Variants in PSMA6 observed in about 807,000 individuals in gnomAD.
PSMA6 encodes proteasome 20S subunit alpha 6.
For synonymous variants in PSMA6, 88 were observed against 97.7 expected, an observed-to-expected ratio of 0.90 and a Z score of 0.59; for missense variants, 170 against 294.8, an observed-to-expected ratio of 0.58 and a Z score of 3.10.
chr14:35,313,071 A>G lies in PSMA6; in HGVS notation c.588+12A>G. On this transcript the variant is annotated intron_variant, in intron 5 of 6. Coordinates refer to ENST00000261479, the MANE Select transcript of PSMA6 (RefSeq NM_002791.3). ...AACAGACAGTGGAAGTAAGTCAACC[A>G]AAAGGAGCTGACTTTTTTTATGCTA... 3 of 1,557,598 alleles carry G rather than the reference A, an allele frequency of 1.9e-6. No individual in the cohort carries two copies. The highest frequency in any genetic ancestry group is 2.6e-6 in the Non-Finnish European group (3 of 1,162,838).
upstream of PSMA6, among the ~76,000 whole-genome samples, chr14:35,290,649 C>A (rs2051467460): frequency 1.3e-5 from 2 of 152,190 alleles, no homozygotes; most frequent in Admixed American, 1.3e-4. Context: ...ATCCCTACTT[C>A]AGTATTACAG....
chr14:35,287,328 A>G (rs1309110783), intron 1 of PSMA6, among the ~76,000 whole-genome samples: 1 of 152,074 alleles, frequency 6.6e-6, no homozygotes, highest in African/African-American at 2.4e-5. Flanking sequence ...TAACATCAGG[A>G]TACTCCTCTA....
intron 4 of PSMA6, among the ~76,000 whole-genome samples, chr14:35,312,409 A>G (rs2051960789): frequency 6.8e-6 from 1 of 147,796 alleles, no homozygotes; most frequent in African/African-American, 2.5e-5. Context: ...CGGGAGGCTG[A>G]GGCAGGAGAA....
intron 1 of PSMA6, among the ~76,000 whole-genome samples, chr14:35,285,754 A>C (rs2051415929): frequency 6.6e-6 from 1 of 152,366 alleles, no homozygotes. Context: ...AATAAAGTCT[A>C]AATAAAGTTC....
chr14:35,313,357 G>A lies in PSMA6; in HGVS notation c.588+298G>A, dbSNP rs557197957. 1.7e-4 allele frequency: 40 copies of A among 233,140 alleles called. No homozygotes were observed. In the South Asian group the frequency reaches 3.8e-3, roughly 22 times the overall value. 14.4% of individuals were successfully genotyped at this position (233,140 alleles called of 1,614,324 possible). A position where few individuals can be genotyped will look rare whatever the true frequency, so the allele number is the denominator to read the frequency against. ...CACACACCTGTAGTCCCAGCTACTT[G>A]AGAGGCTGAAGCTGGAGGACTGCTT... On this transcript the variant is annotated intron_variant, in intron 5 of 6. Transcript: ENST00000261479.
At chr14:35,302,374 A>C (rs2051731671) in intron 1 of PSMA6, among the ~76,000 whole-genome samples, 1 of 152,164 alleles carries the variant, frequency 6.6e-6, no homozygotes, top group Non-Finnish European at 1.5e-5. Flanking sequence ...GAATCACTAC[A>C]AATTTAGTGG....
intron 3 of PSMA6, among the ~76,000 whole-genome samples, chr14:35,309,288 G>C (rs573452673): frequency 2.0e-5 from 3 of 152,280 alleles, no homozygotes; most frequent in African/African-American, 7.2e-5. Flanking sequence ...AGTTTAAGGG[G>C]ACCTAACTCA....
chr14:35,280,711 A>T (rs1046065021), intron 1 of PSMA6, among the ~76,000 whole-genome samples: 2 of 151,708 alleles, frequency 1.3e-5, no homozygotes, highest in Admixed American at 6.6e-5. Context: ...CTCTGGTCTC[A>T]TGATTTGTTG....
chr14:35,289,417 C>T (rs2051453187), upstream of PSMA6, among the ~76,000 whole-genome samples: 1 of 152,070 alleles, frequency 6.6e-6, no homozygotes, highest in African/African-American at 2.4e-5. Context: ...GCAACCCCCA[C>T]CTCCCAGGCT....
rs1315248626 is a variant in PSMA6, at chr14:35,317,425, C to T, written c.*119C>T. The T allele has an allele frequency of 1.7e-5, 15 of 864,422 alleles. No homozygotes were observed. Among genetic ancestry groups the T allele is most frequent in the Non-Finnish European group, 2.9e-5 (15 of 526,184 alleles). The allele number at this position is 864,422 out of a possible 1,614,324, so 53.5% of individuals were successfully genotyped here. On this transcript the variant is annotated 3_prime_UTR_variant, in exon 7 of 7. Transcript: ENST00000261479. ...GAGCCTCTCCCACTCCTCCTACCACCGAAGTGGTTAGGACTCTATATAAAT... is the reference window on the plus strand; with the variant it reads ...GAGCCTCTCCCACTCCTCCTACCACTGAAGTGGTTAGGACTCTATATAAAT...
In PSMA6 at chr14:35,304,904, AGACCCCATC is replaced by A. The variant is rs965473526; in HGVS notation, c.77-3089_77-3081del. 1.2e-4 allele frequency among the ~76,000 whole-genome samples: 19 copies of A among 152,208 alleles called. No individual in the cohort carries two copies. The East Asian group carries it at 3.5e-3, about 28-fold the overall frequency. On this transcript the variant is annotated intron_variant, in intron 1 of 6. Coordinates refer to ENST00000261479, the MANE Select transcript of PSMA6 (RefSeq NM_002791.3). ...TGAGACCAGCCTGAGCAATGTAGTGAGACCCCATCTCTAAAAAATTGTTTTAAATTAGGC... is the reference window on the plus strand; with the variant it reads ...TGAGACCAGCCTGAGCAATGTAGTGATCTAAAAAATTGTTTTAAATTAGGC...
intron 1 of PSMA6, among the ~76,000 whole-genome samples, chr14:35,297,128 T>G (rs1007434242): frequency 1.3e-5 from 2 of 149,046 alleles, no homozygotes; most frequent in African/African-American, 2.5e-5. Context: ...AGTTTTTTTT[T>G]TTTTTTTTTT....
At chr14:35,316,479 A>G (rs886740271) in intron 6 of PSMA6, 2 of 152,038 alleles carry the variant, frequency 1.3e-5, no homozygotes, top group Non-Finnish European at 2.9e-5. Flanking sequence ...CTTTATTTTC[A>G]TGAACTTCTG....
chr14:35,316,402 A>AT (rs2138763904), intron 6 of PSMA6: 1 of 150,530 alleles, frequency 6.6e-6, no homozygotes, highest in East Asian at 1.9e-4. Flanking sequence ...AAAAAAAAAA[A>AT]AGAGAAAGGA....
intron 1 of PSMA6, among the ~76,000 whole-genome samples, chr14:35,294,111 C>T (rs140180492): frequency 1.3e-5 from 2 of 152,352 alleles, no homozygotes; most frequent in African/African-American, 4.8e-5. Context: ...ATGGCGCGAT[C>T]TCGGCTCCCC....
chr14:35,291,133 T>C (rs1328875621), upstream of PSMA6, among the ~76,000 whole-genome samples: 1 of 150,800 alleles, frequency 6.6e-6, no homozygotes, highest in Non-Finnish European at 1.5e-5. Context: ...CTGGGACTAC[T>C]GGCGCGCGCC....
chr14:35,283,881 T>A (rs1434252085), intron 1 of PSMA6, among the ~76,000 whole-genome samples: 1 of 152,166 alleles, frequency 6.6e-6, no homozygotes, highest in Non-Finnish European at 1.5e-5. Context: ...CTTTACAAAT[T>A]TTTTGCAGAT....
chr14:35,285,182 C>CA (rs1264083252), intron 1 of PSMA6, among the ~76,000 whole-genome samples: 2 of 151,888 alleles, frequency 1.3e-5, no homozygotes, highest in Non-Finnish European at 2.9e-5. Context: ...ATTATCTCTA[C>CA]AAAAAACTTA....
chr14:35,307,979 T>C lies in PSMA6; in HGVS notation c.77-15T>C, dbSNP rs373703930. 1.2e-6 allele frequency: 2 copies of C among 1,611,280 alleles called. No individual in the cohort carries two copies. Among genetic ancestry groups the C allele is most frequent in the Non-Finnish European group, 1.7e-6 (2 of 1,178,410 alleles). ...TAATTTATTCCAACTTAAAAAAAAC[T>C]GTTCTGTTTTCCAGAATATGCTTTT... On this transcript the variant is annotated splice_polypyrimidine_tract_variant and intron_variant, in intron 1 of 6. Transcript: ENST00000261479.
Sources: allele counts gnomAD v4.1 joint callset (sites outside exome capture counted in the v4.1 genomes callset), GRCh38; gene constraint gnomAD v4.1.1; transcripts MANE v1.5; gene names NCBI Gene and HGNC (gene_info 2026-07-23, HGNC 2026-07-21).